Variants in EXOSC10 observed in about 807,000 individuals in gnomAD.
EXOSC10 encodes exosome complex component 10.
Under a neutral mutation model 126.6 loss-of-function variants are expected in EXOSC10, and 94 were observed. That is an observed-to-expected ratio of 0.74 (90% CI 0.63 to 0.88). The LOEUF (loss-of-function observed/expected upper bound fraction) is 0.88, where lower values mean the gene tolerates loss of function less well. EXOSC10 is among the 40% of genes least tolerant of loss of function. The pLI, the probability that EXOSC10 is intolerant of heterozygous loss-of-function variation, is 0.00. For synonymous variants in EXOSC10, 395 were observed against 400.8 expected, an observed-to-expected ratio of 0.99 and a Z score of 0.17; for missense variants, 1,041 against 1,100.5, an observed-to-expected ratio of 0.95 and a Z score of 0.77.
At chr1:11,091,409 A>T in intron 4 of EXOSC10, 84 bp downstream of exon 4, 1 of 1,207,660 alleles carries the variant, frequency 8.3e-7, no homozygotes, top group Non-Finnish European at 1.2e-6. Context: ...CTAATAAATT[A>T]GAACAGAAAT....
chr1:11,093,296 A>C (rs1216775559), intron 3 of EXOSC10, among the ~76,000 whole-genome samples: 2 of 152,244 alleles, frequency 1.3e-5, no homozygotes, highest in Non-Finnish European at 2.9e-5. Context: ...GACTGCATAC[A>C]TTAAATATAG....
chr1:11,077,753 C>CA, intron 14 of EXOSC10, 102 bp from the exon 15 acceptor site: 1 of 1,014,054 alleles, frequency 9.9e-7, no homozygotes, highest in Non-Finnish European at 1.5e-6. Flanking sequence ...GCCTGTTTCT[C>CA]AAAAGCCCAG....
chr1:11,069,244 T>TGTGTGTGTGTGTGTGAGA, intron 22 of EXOSC10, among the ~76,000 whole-genome samples: 1 of 116,826 alleles, frequency 8.6e-6, no homozygotes, highest in Non-Finnish European at 2.0e-5. Flanking sequence ...TGTGTGTGTG[T>TGTGTGTGTGTGTGTGAGA]GAGAGAGAGA....
chr1:11,096,488 T>C (rs1177890648), intron 2 of EXOSC10, among the ~76,000 whole-genome samples: 2 of 148,842 alleles, frequency 1.3e-5, no homozygotes, highest in Non-Finnish European at 3.0e-5. Context: ...TTTTTTTTTT[T>C]TTTAAAGAGA....
chr1:11,095,206 C>G (rs943249346), intron 3 of EXOSC10, among the ~76,000 whole-genome samples: 3 of 133,532 alleles, frequency 2.2e-5, no homozygotes, highest in African/African-American at 9.0e-5. Flanking sequence ...AGCAAGACTC[C>G]GTCTCAAAAA....
intron 22 of EXOSC10, chr1:11,069,026 G>A (rs1291287629): frequency 5.4e-6 from 2 of 371,686 alleles, no homozygotes; most frequent in East Asian, 1.1e-4. Context: ...AGGAACTCGG[G>A]CTCTGAGGCG....
Position 11,095,744 on chromosome 1 carries a change from G to T in EXOSC10, c.372+14C>A. 6.2e-7 allele frequency: 1 copy of T among 1,612,726 alleles called. No individual in the cohort carries two copies. The highest frequency in any genetic ancestry group is 8.5e-7 in the Non-Finnish European group (1 of 1,179,080). ...CAAAACAAAACAAAAAAAAGAGTAA[G>T]GGAAAATACTCACCACTCTCTCCAG... On this transcript the variant is annotated intron_variant, in intron 3 of 24. Transcript: ENST00000376936.
chr1:11,092,603 C>T (rs1399255932), intron 3 of EXOSC10, among the ~76,000 whole-genome samples: 3 of 147,566 alleles, frequency 2.0e-5, no homozygotes, highest in East Asian at 2.0e-4. Context: ...CTGCAGTCTT[C>T]GCCTCCTGGG....
At position 11,099,807 on chromosome 1, in the gene EXOSC10, G is replaced by C; in HGVS notation, c.25C>G (p.Pro9Ala). The part of the protein sequence containing the change: MAPPSTRE[P>A]RVLSATSATK... ...GCGCTGGTCGCCGACAGGACCCTGG[G>C]CTCCCGGGTACTGGGTGGCGCCATT... The change falls in exon 1 of 25, where the codon CCC becomes GCC. Residue 9 changes from proline to alanine, a missense_variant. Transcript: ENST00000376936. The C allele has an allele frequency of 6.2e-7, 1 of 1,611,476 alleles. No individual in the cohort carries two copies. Among genetic ancestry groups the C allele is most frequent in the Non-Finnish European group, 8.5e-7 (1 of 1,178,800 alleles).
intron 10 of EXOSC10, among the ~76,000 whole-genome samples, chr1:11,081,784 G>A (rs1343182123): frequency 6.6e-6 from 1 of 152,032 alleles, no homozygotes; most frequent in Non-Finnish European, 1.5e-5. Context: ...TTTATATTTA[G>A]AAATTCTGGC....
chr1:11,074,159 TC>T, intron 18 of EXOSC10, 71 bp downstream of exon 18: 4 of 1,445,764 alleles, frequency 2.8e-6, no homozygotes, highest in Non-Finnish European at 3.9e-6. Context: ...GAGGCTTCCT[TC>T]CCAGGTAAAA....
intron 2 of EXOSC10, among the ~76,000 whole-genome samples, chr1:11,097,576 A>C (rs1250879075): frequency 6.6e-6 from 1 of 151,048 alleles, no homozygotes; most frequent in East Asian, 2.0e-4. Flanking sequence ...AATACAAAAA[A>C]TTAGCTGGGC....
At chr1:11,096,451 TTTTC>T (rs1159378250) in intron 2 of EXOSC10, among the ~76,000 whole-genome samples, 127 of 147,394 alleles carry the variant, frequency 8.6e-4, no homozygotes, top group African/African-American at 2.5e-3. Context: ...AGCCCAGCCT[TTTTC>T]TTTCTTTCTT....
chr1:11,087,560 G>T lies in EXOSC10; in HGVS notation c.977C>A (p.Thr326Asn). 1.9e-6 allele frequency: 3 copies of T among 1,614,142 alleles called. No homozygotes were observed. Among genetic ancestry groups the T allele is most frequent in the Non-Finnish European group, 2.5e-6 (3 of 1,180,042 alleles). Reference protein sequence around the residue: ...HHSYRSFLGLTCLMQISTRTE... With the variant: ...HHSYRSFLGLNCLMQISTRTE... ...CCGAGTAGAAATTTGCATCAGGCAGGTCAGTCCCAGGAAGCTCCTGTAAGA... is the reference window on the plus strand; with the variant it reads ...CCGAGTAGAAATTTGCATCAGGCAGTTCAGTCCCAGGAAGCTCCTGTAAGA... Residue 326 changes from threonine (T) to asparagine (N), a missense_variant, in exon 9 of 25, where the codon ACC becomes AAC. Transcript: ENST00000376936.
In EXOSC10 at chr1:11,070,976, G is replaced by A; in HGVS notation, c.2243-3C>T. On this transcript the variant is annotated splice_polypyrimidine_tract_variant and splice_region_variant and intron_variant, in intron 20 of 24. Transcript: ENST00000376936. ...CTCCTTTGCCTGTTCCCGGGCAGCTGCAAGGGAGAGAACTTGTCTCTGGAG... is the reference window on the plus strand; with the variant it reads ...CTCCTTTGCCTGTTCCCGGGCAGCTACAAGGGAGAGAACTTGTCTCTGGAG... 2.5e-6 allele frequency: 4 copies of A among 1,613,648 alleles called. No homozygotes were observed. In the African/African-American group the frequency reaches 4.0e-5, roughly 16 times the overall value.
chr1:11,074,165 GT>G lies in EXOSC10; in HGVS notation c.2082+65del. The G allele has an allele frequency of 4.1e-6, 6 of 1,455,072 alleles. No homozygotes were observed. In the South Asian group the frequency reaches 6.8e-5, roughly 17 times the overall value. 90.1% of individuals were successfully genotyped at this position (1,455,072 alleles called of 1,614,324 possible). ...CTGGCTTCAGAGGCTTCCTTCCCAGGTAAAAGCATGTACAGCTGTAGGCATC... is the reference window on the plus strand; with the variant it reads ...CTGGCTTCAGAGGCTTCCTTCCCAGGAAAAGCATGTACAGCTGTAGGCATC... On this transcript the variant is annotated intron_variant, in intron 18 of 24. Transcript: ENST00000376936.
chr1:11,097,066 C>T (rs535120834), intron 2 of EXOSC10, among the ~76,000 whole-genome samples: 31 of 152,054 alleles, frequency 2.0e-4, no homozygotes, highest in African/African-American at 6.8e-4. Flanking sequence ...AAAAATTAGC[C>T]GGGAATGGTC....
In EXOSC10 at chr1:11,089,013, G is replaced by A. The variant is rs946017597; in HGVS notation, c.759-815C>T. Among the ~76,000 whole-genome samples the A allele has an allele frequency of 3.3e-5, 5 of 151,956 alleles. No individual in the cohort carries two copies. In the South Asian group the frequency reaches 6.2e-4, roughly 19 times the overall value. ...AGGCAGGAGGACTGCTTGAGGCCAG[G>A]AGTTTCAGGCAGCCTGGACAACACA... On this transcript the variant is annotated intron_variant, in intron 6 of 24. Coordinates refer to ENST00000376936, the MANE Select transcript of EXOSC10 (RefSeq NM_001001998.3).
chr1:11,068,209 A>G, intron 23 of EXOSC10, 125 bp from the exon 24 acceptor site: 1 of 731,844 alleles, frequency 1.4e-6, no homozygotes, highest in Non-Finnish European at 2.3e-6. Context: ...ATCCCCTGAG[A>G]GAGGATGTTT....
Sources: gnomAD v4.1 joint callset for allele counts (sites outside exome capture counted in the v4.1 genomes callset) on GRCh38, gnomAD v4.1.1 for gene constraint, MANE v1.5 for transcripts, NCBI Gene and HGNC (gene_info 2026-07-23, HGNC 2026-07-21) for gene names.